The following PTPRG variants were observed in gnomAD, a reference collection of about 807,000 sequenced individuals.
PTPRG encodes the protein receptor-type tyrosine-protein phosphatase gamma.
PTPRG carries 102 observed loss-of-function variants against 165.3 expected under a neutral mutation model. The observed-to-expected ratio is 0.62, with a 90% CI of 0.53 to 0.73. The LOEUF is 0.73. Among genes scored for constraint, PTPRG ranks in the 30% least tolerant of loss-of-function variants. PTPRG has a pLI of 0.00. For missense variants in PTPRG, 1,866 were observed against 1,861.4 expected (o/e 1.00, Z -0.05); for synonymous variants, 675 against 669.5 (o/e 1.01, Z -0.13).
intron 6 of PTPRG, among the ~76,000 whole-genome samples, chr3:62,143,996 A>G (rs556312407): frequency 1.3e-5 from 2 of 152,316 alleles, no homozygotes; most frequent in East Asian, 3.9e-4. Context: ...ATCAGTGGTC[A>G]GCAAACTATA....
chr3:61,660,927 G>A (rs143013464), intron 1 of PTPRG, among the ~76,000 whole-genome samples: 2,158 of 152,220 alleles, frequency 0.014, 24 homozygotes, highest in Middle Eastern at 0.024. Context: ...GCTTGAACCT[G>A]GGAGGCGGAG....
chr3:61,988,659 G>A (rs758506229), intron 2 of PTPRG, among the ~76,000 whole-genome samples: 6 of 152,140 alleles, frequency 3.9e-5, no homozygotes, highest in Non-Finnish European at 8.8e-5. Context: ...GCTAAAAATT[G>A]TGAAGTTTTT....
intron 2 of PTPRG, among the ~76,000 whole-genome samples, chr3:61,762,158 C>T (rs1248755087): frequency 6.6e-6 from 1 of 152,172 alleles, no homozygotes. Flanking sequence ...GGTCCACACT[C>T]TCCTCTTGGG....
chr3:62,199,924 A>T (rs1411131962), intron 10 of PTPRG, among the ~76,000 whole-genome samples: 2 of 152,226 alleles, frequency 1.3e-5, no homozygotes, highest in Non-Finnish European at 2.9e-5. Flanking sequence ...CACCCTCAAA[A>T]AGGAAGGGAA....
At chr3:61,964,112 C>A (rs1168151875) in intron 2 of PTPRG, among the ~76,000 whole-genome samples, 1 of 152,150 alleles carries the variant, frequency 6.6e-6, no homozygotes, top group Non-Finnish European at 1.5e-5. Flanking sequence ...AGAATTGTCT[C>A]ATGTGGAATT....
At chr3:61,799,373 T>G (rs2035164532) in intron 2 of PTPRG, among the ~76,000 whole-genome samples, 1 of 152,182 alleles carries the variant, frequency 6.6e-6, no homozygotes, top group African/African-American at 2.4e-5. Context: ...ACCTTGGCTA[T>G]TCAGATGGCC....
chr3:61,892,104 A>G (rs2038231547), intron 2 of PTPRG, among the ~76,000 whole-genome samples: 1 of 152,212 alleles, frequency 6.6e-6, no homozygotes, highest in South Asian at 2.1e-4. Context: ...AGTAGTTAAT[A>G]CTGTTATCTC....
chr3:61,756,775 A>G (rs2033648703), intron 2 of PTPRG, among the ~76,000 whole-genome samples: 1 of 152,186 alleles, frequency 6.6e-6, no homozygotes, highest in South Asian at 2.1e-4. Flanking sequence ...GTTGTTATCA[A>G]GTGGTACATA....
intron 1 of PTPRG, among the ~76,000 whole-genome samples, chr3:61,677,697 T>C (rs978552734): frequency 2.6e-5 from 4 of 152,328 alleles, no homozygotes; most frequent in African/African-American, 4.8e-5. Context: ...TGTTCTTACT[T>C]TGATTTGGAA....
intron 2 of PTPRG, chr3:61,770,921 A>C (rs1168303649): frequency 6.6e-6 from 1 of 151,838 alleles, no homozygotes; most frequent in Admixed American, 6.6e-5. Flanking sequence ...TGGACTTCTT[A>C]ATTCTTTCTG....
chr3:61,774,873 G>A (rs2034320748), intron 2 of PTPRG, among the ~76,000 whole-genome samples: 1 of 152,206 alleles, frequency 6.6e-6, no homozygotes, highest in Non-Finnish European at 1.5e-5. Flanking sequence ...GAGTGACCCA[G>A]AGATTGGACT....
In PTPRG at chr3:61,664,785, C is replaced by T. The variant is rs767369065; in HGVS notation, c.86-84093C>T. On this transcript the variant is annotated intron_variant, in intron 1 of 29. Transcript: ENST00000474889. Reference sequence around the variant, plus strand: ...GGCGGAGGTTGCGGTGAGCCGAGATCGCGCCATTGCACTCCAGCCTGGGCG... The same window carrying T: ...GGCGGAGGTTGCGGTGAGCCGAGATTGCGCCATTGCACTCCAGCCTGGGCG... 5.3e-5 allele frequency among the ~76,000 whole-genome samples: 8 copies of T among 152,058 alleles called. No homozygotes were observed. In the East Asian group the frequency reaches 9.6e-4, roughly 18 times the overall value.
intron 2 of PTPRG, among the ~76,000 whole-genome samples, chr3:61,838,772 A>T (rs1028892043): frequency 8.5e-5 from 13 of 152,084 alleles, no homozygotes; most frequent in African/African-American, 3.1e-4. Flanking sequence ...TTTCTTCTTC[A>T]TTTGCTTTCT....
chr3:61,741,392 C>T (rs771806765), intron 1 of PTPRG, among the ~76,000 whole-genome samples: 3 of 152,198 alleles, frequency 2.0e-5, no homozygotes, highest in Non-Finnish European at 4.4e-5. Context: ...ACCCACCCAT[C>T]ACCCTAAGTA....
intron 2 of PTPRG, chr3:61,749,331 G>T (rs943978462): frequency 2.7e-5 from 10 of 372,242 alleles, no homozygotes; most frequent in Non-Finnish European, 4.1e-5. Context: ...TATATGGCTA[G>T]TCTTGAGCTG....
intron 1 of PTPRG, among the ~76,000 whole-genome samples, chr3:61,568,739 C>G (rs1699986404): frequency 1.3e-5 from 2 of 151,910 alleles, no homozygotes; most frequent in African/African-American, 4.8e-5. Flanking sequence ...GAAACCCTGT[C>G]TCTTCTAAAA....
At chr3:61,875,547 A>T (rs1309560444) in intron 2 of PTPRG, among the ~76,000 whole-genome samples, 1 of 152,094 alleles carries the variant, frequency 6.6e-6, no homozygotes, top group Non-Finnish European at 1.5e-5. Context: ...CTCTATATTT[A>T]TATTTTGGGA....
In PTPRG at chr3:61,989,658, G is replaced by A. The variant is rs1034440786; in HGVS notation, c.224G>A (p.Ser75Asn). 3 of 1,614,124 alleles carry A rather than the reference G, an allele frequency of 1.9e-6. No homozygotes were observed. Among genetic ancestry groups the A allele is most frequent in the African/African-American group, 1.3e-5 (1 of 75,050 alleles). The change falls in exon 3 of 30, where the codon AGT (serine) becomes AAT (asparagine). Residue 75 changes from serine (S) to asparagine (N), a missense_variant. Physicochemically the swap from Ser to Asn is conservative, Grantham distance 46 (BLOSUM62 1). This residue lies in a region of PTPRG where 408 missense variants were observed against 376.2 expected (regional missense o/e 1.08). Coordinates refer to ENST00000474889, the MANE Select transcript of PTPRG (RefSeq NM_002841.4). ...AYGPEHWVTS[S>N]VSCGGRHQSP... ...GGTCCTGAGCACTGGGTCACGTCTA[G>A]TGTCAGCTGTGGGGGCCGTCACCAG...
intron 2 of PTPRG, among the ~76,000 whole-genome samples, chr3:61,966,671 G>A (rs1319968630): frequency 6.6e-6 from 1 of 152,040 alleles, no homozygotes; most frequent in East Asian, 1.9e-4. Context: ...TTTGCTGGGT[G>A]TTTATTATAT....
Sources: gnomAD v4.1 joint callset for allele counts (sites outside exome capture counted in the v4.1 genomes callset) on GRCh38, gnomAD v4.1.1 for gene constraint, gnomAD v4.1.1 regional missense constraint, MANE v1.5 for transcripts, NCBI Gene and HGNC (gene_info 2026-07-23, HGNC 2026-07-21) for gene names.